Variants in SASH3 observed in about 807,000 individuals in gnomAD.
SASH3 encodes the protein SAM and SH3 domain-containing protein 3.
A neutral mutation model predicts 26.1 loss-of-function variants in SASH3; 7 were observed. The ratio of observed to expected loss-of-function variants is 0.27; its 90% CI spans 0.15 to 0.50. The LOEUF is 0.50. Among genes scored for constraint, SASH3 ranks in the 20% least tolerant of loss-of-function variants. The pLI is 0.98. For synonymous variants in SASH3, 138 were observed against 136.8 expected, an observed-to-expected ratio of 1.01 and a Z score of -0.06; for missense variants, 231 against 318.3, an observed-to-expected ratio of 0.73 and a Z score of 2.09.
At chrX:129,780,848 G>A (rs1453476833) in intron 1 of SASH3, among the ~76,000 whole-genome samples, 1 of 112,476 alleles carries the variant, frequency 8.9e-6, no homozygotes, top group Non-Finnish European at 1.9e-5. Context: ...TGGTGAGTAG[G>A]AGTGAAGGCT....
At chrX:129,786,851 C>T (rs770616442) in intron 1 of SASH3, among the ~76,000 whole-genome samples, 119 of 109,805 alleles carry the variant, frequency 1.1e-3, no homozygotes, top group African/African-American at 3.8e-3. Context: ...AAAAATTAGC[C>T]GGGCCTGGTG....
chrX:129,789,847 G>A (rs1317692655), intron 3 of SASH3, among the ~76,000 whole-genome samples: 1 of 111,546 alleles, frequency 9.0e-6, no homozygotes, highest in African/African-American at 3.3e-5. Context: ...AAGAGCAGTT[G>A]GTCAAACTGT....
At chrX:129,780,434 G>A (rs1926994969) in intron 1 of SASH3, among the ~76,000 whole-genome samples, 2 of 112,195 alleles carry the variant, frequency 1.8e-5, no homozygotes, top group East Asian at 5.6e-4. Context: ...AAAATTAGGG[G>A]CCAGAATCTT....
intron 6 of SASH3, 26 bp from the exon 7 acceptor site, chrX:129,792,963 T>C (rs1169023640): frequency 8.3e-7 from 1 of 1,208,245 alleles, no homozygotes; most frequent in Admixed American, 2.2e-5. Flanking sequence ...TAAGCAGCTG[T>C]GCCGATGGCC....
At position 129,794,126 on chromosome X, in the gene SASH3, C is replaced by G. The variant is rs1658637581; in HGVS notation, c.*294C>G. 3 of 343,675 alleles carry G rather than the reference C, an allele frequency of 8.7e-6. No homozygotes were observed. The highest frequency in any genetic ancestry group is 1.0e-5 in the Non-Finnish European group (2 of 194,180). 28.3% of individuals were successfully genotyped at this position (343,675 alleles called of 1,213,427 possible). On this transcript the variant is annotated 3_prime_UTR_variant, in exon 8 of 8. Transcript: ENST00000356892. The stretch of plus-strand genomic sequence containing the variant: ...TGCTCCCCTGCCATGGCCACGGCCA[C>G]AGCAAGTGGGGCACTGGGAAACCCT...
intron 1 of SASH3, among the ~76,000 whole-genome samples, chrX:129,786,403 C>T (rs1273995829): frequency 9.0e-6 from 1 of 111,158 alleles, no homozygotes; most frequent in East Asian, 2.8e-4. Flanking sequence ...TTGCCCCTGC[C>T]CTGGGAGTTT....
chrX:129,787,067 C>T lies in SASH3; in HGVS notation c.58-908C>T, dbSNP rs763293707. ...CTGTAATCCCAGCACTTTGGGAGGC[C>T]GAGGTGGGCAGATCACCTGAGGTCA... On this transcript the variant is annotated intron_variant, in intron 1 of 7. Transcript: ENST00000356892. Among the ~76,000 whole-genome samples, 9 of 109,972 alleles carry T rather than the reference C, an allele frequency of 8.2e-5. No individual in the cohort carries two copies. In the East Asian group the frequency reaches 2.3e-3, roughly 28 times the overall value.
intron 2 of SASH3, 67 bp downstream of exon 2, chrX:129,788,137 G>GGGGGGGGT: frequency 8.5e-6 from 3 of 354,263 alleles, no homozygotes; most frequent in African/African-American, 2.7e-5. Flanking sequence ...GGGTGGGAGG[G>GGGGGGGGT]AAGAGGGTGA....
intron 4 of SASH3, among the ~76,000 whole-genome samples, chrX:129,791,825 G>C (rs1269135462): frequency 8.9e-6 from 1 of 112,454 alleles, no homozygotes; most frequent in Non-Finnish European, 1.9e-5. Context: ...ATGTGACATT[G>C]TAACTACACA....
rs1487472224 is a variant in SASH3 at position 129,788,044 on chromosome X, GAGA to G, written c.130_132del (p.Lys44del). On this transcript the variant is annotated inframe_deletion, in exon 2 of 8. Transcript: ENST00000356892. ...CAAACCCAGCTCCCCCGTGGTGAGC[GAGA>G]AGGAGTTTAATCTGGATGATAACGT... The G allele has an allele frequency of 8.0e-6, 9 of 1,119,349 alleles. No homozygotes were observed. Among genetic ancestry groups the G allele is most frequent in the African/African-American group, 1.9e-5 (1 of 53,826 alleles). The allele number at this position is 1,119,349 out of a possible 1,213,427, so 92.2% of individuals were successfully genotyped here.
rs755069187 is a variant in SASH3 at position 129,780,013 on chromosome X, G to A, written c.-85G>A. On this transcript the variant is annotated 5_prime_UTR_variant, in exon 1 of 8. Coordinates refer to ENST00000356892, the MANE Select transcript of SASH3 (RefSeq NM_018990.4). ...AAGGCTCGGTTCATGCCGTGCCCCCGGGCAGTTCTGGTGAGGCTAAGCAAG... is the reference window on the plus strand; with the variant it reads ...AAGGCTCGGTTCATGCCGTGCCCCCAGGCAGTTCTGGTGAGGCTAAGCAAG... 6.6e-5 allele frequency: 64 copies of A among 966,746 alleles called. No homozygotes were observed. The highest frequency in any genetic ancestry group is 6.4e-4 in the Admixed American group (27 of 42,057). 79.7% of individuals were successfully genotyped at this position (966,746 alleles called of 1,213,427 possible). A position where few individuals can be genotyped will look rare whatever the true frequency, so the allele number is the denominator to read the frequency against.
In SASH3 at chrX:129,788,334, T is replaced by C. The variant is rs1376834368; in HGVS notation, c.154-97T>C. On this transcript the variant is annotated intron_variant, in intron 2 of 7. Transcript: ENST00000356892. ...ATGGGGGCCTCTCAGTTCCACCCCC[T>C]CCAGCTTCTGCTGTGACCCCAAGGC... 6.3e-6 allele frequency: 6 copies of C among 955,761 alleles called. No homozygotes were observed. The East Asian group carries it at 1.8e-4, about 29-fold the overall frequency. The allele number at this position is 955,761 out of a possible 1,213,427, so 78.8% of individuals were successfully genotyped here.
chrX:129,787,543 A>G (rs1256754654), intron 1 of SASH3, among the ~76,000 whole-genome samples: 1 of 111,847 alleles, frequency 8.9e-6, no homozygotes, highest in Non-Finnish European at 1.9e-5. Context: ...TACACCCAGG[A>G]CATGGAGGCC....
intron 2 of SASH3, 67 bp downstream of exon 2, chrX:129,788,137 G>GGGGGGGGGT: frequency 5.6e-6 from 2 of 354,275 alleles, no homozygotes; most frequent in East Asian, 6.3e-5. Flanking sequence ...GGGTGGGAGG[G>GGGGGGGGGT]AAGAGGGTGA....
chrX:129,790,181 C>A (rs1158646104), intron 3 of SASH3, among the ~76,000 whole-genome samples: 3 of 112,038 alleles, frequency 2.7e-5, no homozygotes, highest in African/African-American at 9.7e-5. Context: ...CTTATCAATG[C>A]TGCTGAGGTT....
At chrX:129,785,588 A>G (rs1927093081) in intron 1 of SASH3, among the ~76,000 whole-genome samples, 1 of 112,108 alleles carries the variant, frequency 8.9e-6, no homozygotes, top group African/African-American at 3.2e-5. Flanking sequence ...CAGCCCCCAG[A>G]CTGCAGATTA....
chrX:129,788,137 G>GGGCTGGT, intron 2 of SASH3, 67 bp downstream of exon 2: 2 of 354,273 alleles, frequency 5.6e-6, no homozygotes, highest in Non-Finnish European at 1.1e-5. Flanking sequence ...GGGTGGGAGG[G>GGGCTGGT]AAGAGGGTGA....
chrX:129,789,137 GAA>G lies in SASH3; in HGVS notation c.300+562_300+563del, dbSNP rs1235286083. Among the ~76,000 whole-genome samples, 8 of 49,889 alleles carry G rather than the reference GAA, an allele frequency of 1.6e-4. No homozygotes were observed. The East Asian group carries it at 4.8e-3, about 30-fold the overall frequency. 43.3% of individuals were successfully genotyped at this position (49,889 alleles called of 115,157 possible). A position where few individuals can be genotyped will look rare whatever the true frequency, so the allele number is the denominator to read the frequency against. ...AGAAAGAAAGAAAGAAAGAAAGAAA[GAA>G]AGAAAGAAAGAAAGAAAGAAAGAAA... On this transcript the variant is annotated intron_variant, in intron 3 of 7. Coordinates refer to ENST00000356892, the MANE Select transcript of SASH3 (RefSeq NM_018990.4).
chrX:129,789,167 G>GAGA (rs1927181115), intron 3 of SASH3, among the ~76,000 whole-genome samples: 7 of 13,800 alleles, frequency 5.1e-4, no homozygotes, highest in African/African-American at 2.1e-3. Flanking sequence ...GAAAGAAAGA[G>GAGA]AAAAAAAAAA....
Sources: gnomAD v4.1 joint callset for allele counts (sites outside exome capture counted in the v4.1 genomes callset) on GRCh38, gnomAD v4.1.1 for gene constraint, MANE v1.5 for transcripts, NCBI Gene and HGNC (gene_info 2026-07-23, HGNC 2026-07-21) for gene names.